Variants in MAST4 observed in about 807,000 individuals in gnomAD.
MAST4 encodes the protein microtubule-associated serine/threonine-protein kinase 4.
In MAST4, 89 loss-of-function variants were observed where a neutral mutation model predicts 162.7. That is an observed-to-expected ratio of 0.55 (90% confidence interval 0.46 to 0.65). The LOEUF (loss-of-function observed/expected upper bound fraction) is 0.65, where lower values mean the gene tolerates loss of function less well. Among genes scored for constraint, MAST4 ranks in the 30% least tolerant of loss-of-function variants. The probability of loss-of-function intolerance (pLI) is 0.00; values close to 1 mark genes in which losing one functional copy is unlikely to be tolerated. For synonymous variants in MAST4, 1,479 were observed against 1,361.1 expected, an observed-to-expected ratio of 1.09 and a Z score of -1.91; for missense variants, 3,153 against 3,374.0, an observed-to-expected ratio of 0.93 and a Z score of 1.62.
In MAST4 at chr5:67,165,276, G is replaced by C. The variant is rs779986193; in HGVS notation, c.6097G>C (p.Glu2033Gln). Residue 2033 changes from glutamate to glutamine, a missense_variant, in exon 29 of 29, where the codon GAG (glutamate) becomes CAG (glutamine). This residue lies in a region of MAST4 where 1,644 missense variants were observed against 1,495.0 expected (regional missense o/e 1.10). Transcript: ENST00000403625. ...PDFYTQTQAM[E>Q]KAWAPGGKTN... Reference sequence around the variant, plus strand: ...TTTCTATACACAGACCCAGGCCATGGAGAAAGCATGGGCGCCGGGTGGGAA... The same window carrying C: ...TTTCTATACACAGACCCAGGCCATGCAGAAAGCATGGGCGCCGGGTGGGAA... 6.2e-7 allele frequency: 1 copy of C among 1,613,414 alleles called. No homozygotes were observed. Among genetic ancestry groups the C allele is most frequent in the South Asian group, 1.1e-5 (1 of 91,076 alleles).
rs755358508 is a variant in MAST4 at position 67,167,007 on chromosome 5, G to C, written c.7828G>C (p.Gly2610Arg). 4.4e-6 allele frequency: 7 copies of C among 1,606,946 alleles called. No individual in the cohort carries two copies. Among genetic ancestry groups the C allele is most frequent in the Non-Finnish European group, 5.9e-6 (7 of 1,176,928 alleles). Residue 2610 changes from glycine (G) to arginine (R), a missense_variant, in exon 29 of 29, where the codon GGG (glycine) becomes CGG (arginine). This residue lies in a region of MAST4 where 1,644 missense variants were observed against 1,495.0 expected (regional missense o/e 1.10). Transcript: ENST00000403625. ...EKDFVVRQRR[G>R]KESLRSSPHK... ...GGACTTTGTGGTACGGCAGAGGCGG[G>C]GGAAAGAGAGTTTGCGTAGCAGCCC... is the stretch of plus-strand genomic sequence containing the variant.
chr5:66,805,767 G>A (rs1468205755), intron 3 of MAST4, among the ~76,000 whole-genome samples: 2 of 152,190 alleles, frequency 1.3e-5, no homozygotes, highest in Non-Finnish European at 2.9e-5. Flanking sequence ...GAAGCCATCA[G>A]CCTGCGAAGC....
intron 4 of MAST4, among the ~76,000 whole-genome samples, chr5:66,967,684 TA>T (rs549249080): frequency 2.6e-3 from 288 of 112,886 alleles, no homozygotes; most frequent in East Asian, 6.9e-3. Flanking sequence ...TCACACTCCT[TA>T]AAAAAAAAAA....
At chr5:66,815,394 A>G (rs1756668881) in intron 3 of MAST4, among the ~76,000 whole-genome samples, 1 of 152,196 alleles carries the variant, frequency 6.6e-6, no homozygotes, top group Non-Finnish European at 1.5e-5. Flanking sequence ...CTTTTATTAC[A>G]GCATAGTTAT....
At chr5:67,083,938 G>T (rs1762948415) in intron 5 of MAST4, among the ~76,000 whole-genome samples, 1 of 152,124 alleles carries the variant, frequency 6.6e-6, no homozygotes, top group Admixed American at 6.5e-5. Flanking sequence ...GTCTTTACTT[G>T]GGATCACCTT....
At chr5:66,667,025 G>C (rs1428660826) in intron 1 of MAST4, among the ~76,000 whole-genome samples, 2 of 152,184 alleles carry the variant, frequency 1.3e-5, no homozygotes, top group African/African-American at 4.8e-5. Flanking sequence ...GGCGTAGCCA[G>C]ATGCAAAGGG....
chr5:67,150,497 A>C (rs1420743212), intron 24 of MAST4, among the ~76,000 whole-genome samples: 1 of 152,166 alleles, frequency 6.6e-6, no homozygotes, highest in Non-Finnish European at 1.5e-5. Context: ...CCTGTTTAGC[A>C]CCATAAAACA....
chr5:66,968,799 C>G (rs1747062477), intron 4 of MAST4, among the ~76,000 whole-genome samples: 1 of 152,120 alleles, frequency 6.6e-6, no homozygotes, highest in African/African-American at 2.4e-5. Flanking sequence ...GAGTAGATAT[C>G]AATTATCTAG....
chr5:66,806,661 C>T (rs916047761), intron 3 of MAST4, among the ~76,000 whole-genome samples: 2 of 152,150 alleles, frequency 1.3e-5, no homozygotes, highest in Admixed American at 6.5e-5. Flanking sequence ...TTGAAAAATT[C>T]CTAGACAATT....
chr5:66,898,924 T>C (rs1258412945), intron 3 of MAST4, among the ~76,000 whole-genome samples: 2 of 152,130 alleles, frequency 1.3e-5, no homozygotes, highest in Non-Finnish European at 2.9e-5. Flanking sequence ...CTGCTGTCCA[T>C]GACAAACATT....
chr5:66,753,517 A>G (rs984199111), intron 1 of MAST4, among the ~76,000 whole-genome samples: 4 of 151,870 alleles, frequency 2.6e-5, no homozygotes, highest in Admixed American at 6.5e-5. Flanking sequence ...AGAATACTAC[A>G]AACACCTCGA....
chr5:66,664,261 C>A (rs894801379), intron 1 of MAST4, among the ~76,000 whole-genome samples: 1 of 151,732 alleles, frequency 6.6e-6, no homozygotes, highest in African/African-American at 2.4e-5. Context: ...CATGGTGAAA[C>A]CCCGTCTCTA....
chr5:67,047,562 C>T (rs1223813641), intron 4 of MAST4, among the ~76,000 whole-genome samples: 4 of 152,188 alleles, frequency 2.6e-5, no homozygotes, highest in South Asian at 2.1e-4. Flanking sequence ...TTTCCTCCAT[C>T]GCTATCTCAT....
chr5:67,056,005 T>C (rs1758763241), intron 5 of MAST4, among the ~76,000 whole-genome samples: 1 of 149,398 alleles, frequency 6.7e-6, no homozygotes, highest in Non-Finnish European at 1.5e-5. Context: ...TAGGGATATA[T>C]ATATATATAT....
At chr5:66,834,140 G>T (rs77124218) in intron 3 of MAST4, among the ~76,000 whole-genome samples, 1 of 152,132 alleles carries the variant, frequency 6.6e-6, no homozygotes, top group Non-Finnish European at 1.5e-5. Context: ...AAAAGATGGC[G>T]TACATGTCTT....
At chr5:67,075,950 C>A (rs1445571706) in intron 5 of MAST4, among the ~76,000 whole-genome samples, 1 of 152,010 alleles carries the variant, frequency 6.6e-6, no homozygotes, top group African/African-American at 2.4e-5. Context: ...TTGTAGTAGT[C>A]CTGGGAAACT....
chr5:66,754,172 A>G (rs975129831), intron 1 of MAST4, among the ~76,000 whole-genome samples: 3 of 152,182 alleles, frequency 2.0e-5, no homozygotes, highest in Non-Finnish European at 2.9e-5. Flanking sequence ...AGAGCTATCT[A>G]TGACAAACCC....
chr5:66,722,421 G>A (rs1441289246), intron 1 of MAST4, among the ~76,000 whole-genome samples: 1 of 148,742 alleles, frequency 6.7e-6, no homozygotes, highest in Admixed American at 6.7e-5. Context: ...TTAAACTGTA[G>A]TCCTTCTCCT....
At chr5:66,597,622 G>A (rs982899355) in intron 1 of MAST4, among the ~76,000 whole-genome samples, 3 of 152,224 alleles carry the variant, frequency 2.0e-5, no homozygotes, top group Non-Finnish European at 4.4e-5. Context: ...CGCGCCTGCA[G>A]CTCCCGTTCA....
Sources: gnomAD v4.1 joint callset for allele counts (sites outside exome capture counted in the v4.1 genomes callset) on GRCh38, gnomAD v4.1.1 for gene constraint, gnomAD v4.1.1 regional missense constraint, MANE v1.5 for transcripts, NCBI Gene and HGNC (gene_info 2026-07-23, HGNC 2026-07-21) for gene names.